Variants in FAM117B observed in about 807,000 individuals in gnomAD.
The protein encoded by FAM117B is protein FAM117B.
Under a neutral mutation model 52.8 loss-of-function variants are expected in FAM117B, and 22 were observed. The ratio of observed to expected loss-of-function variants is 0.42; its 90% confidence interval spans 0.30 to 0.59. The LOEUF (loss-of-function observed/expected upper bound fraction) is 0.59, where lower values mean the gene tolerates loss of function less well. Ranked by LOEUF, FAM117B falls within the 20% of genes least tolerant of loss-of-function variation. The probability of loss-of-function intolerance (pLI) is 0.22; values close to 1 mark genes in which losing one functional copy is unlikely to be tolerated. For synonymous variants in FAM117B, 309 were observed against 324.1 expected (o/e 0.95, Z 0.50); for missense variants, 678 against 802.6 (o/e 0.84, Z 1.88).
At chr2:202,653,078 G>A (rs1284695333) in intron 1 of FAM117B, among the ~76,000 whole-genome samples, 2 of 152,112 alleles carry the variant, frequency 1.3e-5, no homozygotes, top group Non-Finnish European at 2.9e-5. Flanking sequence ...ACCAGCCTAG[G>A]CAACATAGAG....
chr2:202,666,053 C>G (rs1243435032), intron 1 of FAM117B, among the ~76,000 whole-genome samples: 1 of 152,098 alleles, frequency 6.6e-6, no homozygotes, highest in African/African-American at 2.4e-5. Flanking sequence ...ATTATGGCAA[C>G]ATTTGTTATG....
intron 4 of FAM117B, among the ~76,000 whole-genome samples, chr2:202,746,361 A>G (rs1691633103): frequency 6.6e-6 from 1 of 152,158 alleles, no homozygotes; most frequent in Admixed American, 6.5e-5. Flanking sequence ...CTCAATGACC[A>G]TTGGTCAATG....
chr2:202,657,541 C>T (rs1423745591), intron 1 of FAM117B, among the ~76,000 whole-genome samples: 1 of 152,104 alleles, frequency 6.6e-6, no homozygotes, highest in Admixed American at 6.6e-5. Flanking sequence ...TGCTGGAATG[C>T]AGTGGCACAA....
At chr2:202,671,241 T>C (rs576462190) in intron 1 of FAM117B, among the ~76,000 whole-genome samples, 89 of 152,330 alleles carry the variant, frequency 5.8e-4, no homozygotes, top group African/African-American at 2.0e-3. Context: ...TGGTTCCAAA[T>C]AGTTCATTTA....
At chr2:202,656,273 T>C (rs1340572688) in intron 1 of FAM117B, among the ~76,000 whole-genome samples, 2 of 152,224 alleles carry the variant, frequency 1.3e-5, no homozygotes, top group African/African-American at 4.8e-5. Flanking sequence ...TTTAGTTTGC[T>C]CATTTTCTGG....
intron 1 of FAM117B, among the ~76,000 whole-genome samples, chr2:202,645,270 C>CT (rs1443620973): frequency 6.7e-6 from 1 of 149,664 alleles, no homozygotes; most frequent in African/African-American, 2.5e-5. Context: ...TGGCCTGTTT[C>CT]TTTTTTTTCT....
At chr2:202,754,388 A>T (rs1228116311) in intron 4 of FAM117B, among the ~76,000 whole-genome samples, 1 of 152,124 alleles carries the variant, frequency 6.6e-6, no homozygotes, top group Non-Finnish European at 1.5e-5. Context: ...GGAGGTGAAG[A>T]GAGGGAACTT....
chr2:202,759,195 T>C (rs966452773), intron 6 of FAM117B, 38 bp from the exon 7 acceptor site: 5 of 1,610,490 alleles, frequency 3.1e-6, no homozygotes, highest in Admixed American at 1.7e-5. Flanking sequence ...AGTATGACTA[T>C]ACATTTATGT....
At chr2:202,754,543 T>C (rs1691771701) in intron 4 of FAM117B, among the ~76,000 whole-genome samples, 1 of 152,010 alleles carries the variant, frequency 6.6e-6, no homozygotes, top group Non-Finnish European at 1.5e-5. Context: ...AATAATTATA[T>C]AGATTAATCT....
intron 1 of FAM117B, among the ~76,000 whole-genome samples, chr2:202,648,911 A>C (rs906412421): frequency 6.6e-6 from 1 of 151,754 alleles, no homozygotes; most frequent in Non-Finnish European, 1.5e-5. Flanking sequence ...ACAGGCGCAC[A>C]CCTGGCTAAT....
chr2:202,710,993 A>G (rs1269578207), intron 2 of FAM117B, among the ~76,000 whole-genome samples: 1 of 152,144 alleles, frequency 6.6e-6, no homozygotes, highest in Non-Finnish European at 1.5e-5. Context: ...AATCTTGGCT[A>G]TTGGGAACAG....
intron 4 of FAM117B, among the ~76,000 whole-genome samples, chr2:202,749,093 A>T (rs887397905): frequency 6.6e-6 from 1 of 152,200 alleles, no homozygotes; most frequent in African/African-American, 2.4e-5. Context: ...AAACATATAT[A>T]TTCATAGAGT....
chr2:202,708,234 C>T (rs2105781202), intron 2 of FAM117B, among the ~76,000 whole-genome samples: 1 of 152,226 alleles, frequency 6.6e-6, no homozygotes, highest in East Asian at 1.9e-4. Flanking sequence ...TCTCTCCATC[C>T]CCCCAGTCCC....
chr2:202,675,895 G>A (rs1314304999), intron 1 of FAM117B, among the ~76,000 whole-genome samples: 3 of 148,480 alleles, frequency 2.0e-5, no homozygotes, highest in Non-Finnish European at 3.0e-5. Flanking sequence ...GGAGGCAGGA[G>A]AATTGCTTGA....
In FAM117B at chr2:202,661,321, C is replaced by T. The variant is rs186189405; in HGVS notation, c.601+25533C>T. ...CTCCATCAACTTTTAATTTCAGATG[C>T]GTATTTGAAAGTCTGAGTACAGTAT... On this transcript the variant is annotated intron_variant, in intron 1 of 7. Coordinates refer to ENST00000392238, the MANE Select transcript of FAM117B (RefSeq NM_173511.4). Among the ~76,000 whole-genome samples the T allele has an allele frequency of 1.6e-4, 25 of 152,188 alleles. No homozygotes were observed. The East Asian group carries it at 3.3e-3, about 20-fold the overall frequency.
chr2:202,674,368 C>G (rs1690345373), intron 1 of FAM117B, among the ~76,000 whole-genome samples: 1 of 152,210 alleles, frequency 6.6e-6, no homozygotes, highest in African/African-American at 2.4e-5. Flanking sequence ...TCACTTAATC[C>G]TCATAATAAC....
chr2:202,655,757 A>T (rs1301997561), intron 1 of FAM117B, among the ~76,000 whole-genome samples: 6,094 of 125,986 alleles, frequency 0.048, 490 homozygotes, highest in African/African-American at 0.19. Context: ...AGAGAGAGAG[A>T]GAGAGTGTGT....
At chr2:202,655,752 G>A (rs1690045484) in intron 1 of FAM117B, among the ~76,000 whole-genome samples, 1 of 149,484 alleles carries the variant, frequency 6.7e-6, no homozygotes, top group Non-Finnish European at 1.5e-5. Flanking sequence ...GAGAGAGAGA[G>A]AGAGAGAGAG....
intron 1 of FAM117B, among the ~76,000 whole-genome samples, chr2:202,641,261 T>G (rs1280448237): frequency 2.0e-5 from 3 of 152,310 alleles, no homozygotes; most frequent in Non-Finnish European, 4.4e-5. Flanking sequence ...AACTTTGCAG[T>G]TGGATCTTAG....
Sources: gnomAD v4.1 joint callset for allele counts (sites outside exome capture counted in the v4.1 genomes callset) on GRCh38, gnomAD v4.1.1 for gene constraint, MANE v1.5 for transcripts, NCBI Gene and HGNC (gene_info 2026-07-23, HGNC 2026-07-21) for gene names.